MAP3K7: variants seen among roughly 807,000 people sequenced by gnomAD.
MAP3K7 encodes TGF-beta activated kinase 1.
Under a neutral mutation model 84.8 loss-of-function variants are expected in MAP3K7, and 21 were observed. That is an observed-to-expected ratio of 0.25 (90% CI 0.18 to 0.36). The LOEUF is 0.36. Ranked by LOEUF, MAP3K7 falls within the 10% of genes least tolerant of loss-of-function variation. The pLI, the probability that MAP3K7 is intolerant of heterozygous loss-of-function variation, is 1.00. For synonymous variants in MAP3K7, 241 were observed against 247.7 expected (o/e 0.97, Z 0.25); for missense variants, 503 against 747.7 (o/e 0.67, Z 3.82).
chr6:90,525,738 T>C (rs1047462019), intron 13 of MAP3K7, among the ~76,000 whole-genome samples: 1 of 151,774 alleles, frequency 6.6e-6, no homozygotes, highest in South Asian at 2.1e-4. Context: ...CAGTTAATTT[T>C]AAAATATTTT....
At chr6:90,556,462 G>A in intron 6 of MAP3K7, 38 bp downstream of exon 6, 1 of 1,599,244 alleles carries the variant, frequency 6.3e-7, no homozygotes, top group Non-Finnish European at 8.5e-7. Context: ...CAAGGAGTGA[G>A]GGAGATTATC....
At chr6:90,574,527 T>C (rs530838723) in intron 1 of MAP3K7, among the ~76,000 whole-genome samples, 1 of 152,236 alleles carries the variant, frequency 6.6e-6, no homozygotes, top group Non-Finnish European at 1.5e-5. Context: ...ACTTTACCTA[T>C]TGATATTACT....
intron 3 of MAP3K7, among the ~76,000 whole-genome samples, chr6:90,564,139 G>A (rs1177922576): frequency 6.6e-6 from 1 of 152,158 alleles, no homozygotes; most frequent in East Asian, 1.9e-4. Context: ...GACCATTGAT[G>A]CCAGGAAGAA....
At chr6:90,574,215 T>C (rs1449817319) in intron 1 of MAP3K7, among the ~76,000 whole-genome samples, 4 of 152,178 alleles carry the variant, frequency 2.6e-5, no homozygotes, top group Non-Finnish European at 5.9e-5. Flanking sequence ...CAAAGAACAG[T>C]AAGTGCTTGG....
At chr6:90,547,947 G>A in intron 10 of MAP3K7, 100 bp downstream of exon 10, 1 of 988,526 alleles carries the variant, frequency 1.0e-6, no homozygotes, top group Non-Finnish European at 1.4e-6. Flanking sequence ...AGAAAATTCA[G>A]GATTTATAAA....
In MAP3K7 at chr6:90,579,886, G is replaced by T. The variant is rs540737981; in HGVS notation, c.120+6878C>A. Among the ~76,000 whole-genome samples, 16 of 152,232 alleles carry T rather than the reference G, an allele frequency of 1.1e-4. No homozygotes were observed. In the East Asian group the frequency reaches 2.9e-3, roughly 28 times the overall value. On this transcript the variant is annotated intron_variant, in intron 1 of 16. Coordinates refer to ENST00000369329, the MANE Select transcript of MAP3K7 (RefSeq NM_145331.3). ...GGAGACAGACAAACAAAAAATTGTG[G>T]ACACCACCGCTCCAACAGGAAACGC...
chr6:90,560,248 T>C lies in MAP3K7; in HGVS notation c.344-34A>G, dbSNP rs925697892. On this transcript the variant is annotated intron_variant, in intron 4 of 16. Coordinates refer to ENST00000369329, the MANE Select transcript of MAP3K7 (RefSeq NM_145331.3). ...GAAAGGCACAAACTAAAAAGAACTT[T>C]ATTGCATATAACAAAAGACACAATG... 3 of 1,612,448 alleles carry C rather than the reference T, an allele frequency of 1.9e-6. No individual in the cohort carries two copies. The African/African-American group carries it at 4.0e-5, about 22-fold the overall frequency.
intron 1 of MAP3K7, 40 bp downstream of exon 1, chr6:90,586,724 G>A (rs990795550): frequency 6.5e-7 from 1 of 1,546,480 alleles, no homozygotes; most frequent in South Asian, 1.2e-5. Context: ...CGGGGGCGGG[G>A]CAGGCCGGGA....
At chr6:90,582,590 T>C (rs1227590977) in intron 1 of MAP3K7, among the ~76,000 whole-genome samples, 2 of 152,126 alleles carry the variant, frequency 1.3e-5, no homozygotes, top group Non-Finnish European at 2.9e-5. Flanking sequence ...TCATCTTAAG[T>C]TATGGGGGAA....
At chr6:90,548,439 T>C (rs1776073262) in intron 9 of MAP3K7, among the ~76,000 whole-genome samples, 1 of 152,156 alleles carries the variant, frequency 6.6e-6, no homozygotes, top group African/African-American at 2.4e-5. Context: ...GTAGAAGAAC[T>C]GAGGGCTATT....
At chr6:90,538,331 T>G (rs1338447252) in intron 12 of MAP3K7, among the ~76,000 whole-genome samples, 2 of 151,966 alleles carry the variant, frequency 1.3e-5, no homozygotes, top group East Asian at 3.9e-4. Context: ...TCTCAGTAAA[T>G]TTGAATTGAT....
Position 90,557,520 on chromosome 6 carries a change from C to T in MAP3K7, c.483-896G>A, listed in dbSNP as rs184943909. 1.5e-3 allele frequency among the ~76,000 whole-genome samples: 229 copies of T among 152,212 alleles called. 1 individual carries two copies. The highest frequency in any genetic ancestry group is 5.4e-3 in the African/African-American group (223 of 41,530). ...ACCAAAAAGACTCTCATAATCATTCCAGTGAAAAGAATGCTAAATCCAGTA... is the reference window on the plus strand; with the variant it reads ...ACCAAAAAGACTCTCATAATCATTCTAGTGAAAAGAATGCTAAATCCAGTA... On this transcript the variant is annotated intron_variant, in intron 5 of 16. Transcript: ENST00000369329.
intron 6 of MAP3K7, among the ~76,000 whole-genome samples, chr6:90,556,085 C>A (rs1365497022): frequency 6.6e-6 from 1 of 152,178 alleles, no homozygotes; most frequent in Admixed American, 6.5e-5. Context: ...GACGGAAAAA[C>A]GTTGTCTTGT....
intron 11 of MAP3K7, 117 bp from the exon 12 acceptor site, chr6:90,544,749 C>T (rs1177825587): frequency 3.6e-6 from 3 of 832,534 alleles, no homozygotes; most frequent in Non-Finnish European, 6.0e-6. Flanking sequence ...ACATTTCATG[C>T]AGAATGGCAT....
chr6:90,556,440 C>A, intron 6 of MAP3K7, 60 bp downstream of exon 6: 1 of 1,550,272 alleles, frequency 6.5e-7, no homozygotes, highest in South Asian at 1.2e-5. Context: ...TCTATAAAAA[C>A]ATATGAATTC....
intron 12 of MAP3K7, among the ~76,000 whole-genome samples, chr6:90,539,682 CT>C (rs1331424615): frequency 6.6e-6 from 1 of 151,822 alleles, no homozygotes; most frequent in Non-Finnish European, 1.5e-5. Context: ...TATTTTCATC[CT>C]GGTGGAGAAA....
rs59945419 is a variant in MAP3K7, at chr6:90,521,257, CGTGTGTGTGTGTGT to C, written c.1463-1952_1463-1939del. On this transcript the variant is annotated intron_variant, in intron 14 of 16. Transcript: ENST00000369329. Reference sequence around the variant, plus strand: ...AAGATTATTTAATGAAAGTTTTTTGCGTGTGTGTGTGTGTGTGTGTGTGTGTGTGTTTCAATTGC... The same window carrying C: ...AAGATTATTTAATGAAAGTTTTTTGCGTGTGTGTGTGTGTGTTTCAATTGC... 5.6e-3 allele frequency among the ~76,000 whole-genome samples: 832 copies of C among 148,650 alleles called. 11 individuals carry two copies. Among genetic ancestry groups the C allele is most frequent in the African/African-American group, 0.019 (786 of 40,826 alleles).
At chr6:90,572,460 C>T (rs1422890615) in intron 1 of MAP3K7, among the ~76,000 whole-genome samples, 1 of 151,174 alleles carries the variant, frequency 6.6e-6, no homozygotes, top group Admixed American at 6.6e-5. Flanking sequence ...TCCATTTATA[C>T]AAAATGTTCA....
At chr6:90,539,632 C>T (rs205351) in intron 12 of MAP3K7, among the ~76,000 whole-genome samples, 107,357 of 151,722 alleles carry the variant, frequency 0.71, 38,387 homozygotes, top group Middle Eastern at 0.79. Context: ...ACATTAGTTA[C>T]CGACCGGCTC....
Sources: allele counts gnomAD v4.1 joint callset (sites outside exome capture counted in the v4.1 genomes callset), GRCh38; gene constraint gnomAD v4.1.1; transcripts MANE v1.5; gene names NCBI Gene and HGNC (gene_info 2026-07-23, HGNC 2026-07-21).